Variants in TRHDE observed in about 807,000 individuals in gnomAD.
TRHDE encodes thyrotropin releasing hormone degrading enzyme.
Under a neutral mutation model 125.7 loss-of-function variants are expected in TRHDE, and 72 were observed. That is an observed-to-expected ratio of 0.57 (90% CI 0.47 to 0.70). The LOEUF is 0.70. Among genes scored for constraint, TRHDE ranks in the 30% least tolerant of loss-of-function variants. TRHDE has a pLI of 0.00. For synonymous variants in TRHDE, 509 were observed against 509.1 expected (o/e 1.00, Z 0.00); for missense variants, 1,110 against 1,327.1 (o/e 0.84, Z 2.54).
chr12:72,298,867 A>G (rs1232833249), intron 2 of TRHDE, among the ~76,000 whole-genome samples: 1 of 152,110 alleles, frequency 6.6e-6, no homozygotes, highest in Admixed American at 6.5e-5. Context: ...TAAGGCTGCC[A>G]TTTGGGTCTA....
intron 2 of TRHDE, among the ~76,000 whole-genome samples, chr12:72,201,578 A>G (rs1374892559): frequency 6.6e-6 from 1 of 152,090 alleles, no homozygotes; most frequent in East Asian, 1.9e-4. Context: ...TAGTTAACCT[A>G]ATGGAGTGAA....
chr12:72,461,014 GA>G (rs796883299), intron 3 of TRHDE, among the ~76,000 whole-genome samples: 4 of 151,334 alleles, frequency 2.6e-5, no homozygotes, highest in African/African-American at 4.8e-5. Context: ...TTGCTGAAAT[GA>G]AAAAAAAATC....
chr12:72,638,296 A>T (rs1873859859), intron 15 of TRHDE, among the ~76,000 whole-genome samples: 1 of 151,298 alleles, frequency 6.6e-6, no homozygotes. Context: ...GTTGGTTGAA[A>T]GTCTGTTTTA....
At chr12:72,323,531 G>T (rs12322759) in intron 2 of TRHDE, among the ~76,000 whole-genome samples, 39,990 of 151,960 alleles carry the variant, frequency 0.26, 5,322 homozygotes, top group East Asian at 0.35. Flanking sequence ...CTTTTTCATG[G>T]TCATGTTTGT....
At chr12:72,440,816 G>C (rs1025286827) in intron 3 of TRHDE, among the ~76,000 whole-genome samples, 1 of 151,890 alleles carries the variant, frequency 6.6e-6, no homozygotes, top group African/African-American at 2.4e-5. Flanking sequence ...GTCACAGGTA[G>C]ATGTTTGGTA....
At chr12:72,634,852 T>G (rs1207854396) in intron 15 of TRHDE, among the ~76,000 whole-genome samples, 1 of 151,916 alleles carries the variant, frequency 6.6e-6, no homozygotes, top group Admixed American at 6.6e-5. Flanking sequence ...TATGGCTGCA[T>G]AGTATTCCAT....
chr12:72,356,949 A>G (rs556275398), intron 2 of TRHDE, among the ~76,000 whole-genome samples: 26 of 151,556 alleles, frequency 1.7e-4, no homozygotes, highest in Non-Finnish European at 2.5e-4. Context: ...GGAAATGCAT[A>G]TAGTATGGAT....
intron 2 of TRHDE, among the ~76,000 whole-genome samples, chr12:72,298,993 G>C (rs1172985751): frequency 6.6e-6 from 1 of 152,052 alleles, no homozygotes; most frequent in East Asian, 1.9e-4. Flanking sequence ...CAAATGTGTT[G>C]CAGTACAGAG....
chr12:72,489,820 T>TCA (rs1877579373), intron 5 of TRHDE, among the ~76,000 whole-genome samples: 1 of 151,840 alleles, frequency 6.6e-6, no homozygotes, highest in African/African-American at 2.4e-5. Context: ...GACTCTTGTC[T>TCA]TACACCATCC....
intron 1 of TRHDE, among the ~76,000 whole-genome samples, chr12:72,101,880 T>A (rs1875076616): frequency 6.6e-6 from 1 of 152,182 alleles, no homozygotes; most frequent in Non-Finnish European, 1.5e-5. Flanking sequence ...CATGTATAAT[T>A]TTTCACTTTG....
chr12:72,618,970 GC>G lies in TRHDE; in HGVS notation c.2402del (p.Ala801ValfsTer9). On this transcript the variant is annotated frameshift_variant, in exon 13 of 19. Transcript: ENST00000261180. LOFTEE classifies it high-confidence loss of function. The part of the protein sequence containing the change: ...SEEKDFLPWH[A>X]ASRALYPLDK... The stretch of plus-strand genomic sequence containing the variant: ...GGAGAAGGATTTTCTTCCTTGGCAT[GC>G]TGCCAGCCGAGCTCTTTATCCTCTA... 1 of 1,602,740 alleles carries G rather than the reference GC, an allele frequency of 6.2e-7. No homozygotes were observed. The highest frequency in any genetic ancestry group is 1.3e-5 in the African/African-American group (1 of 74,392).
At chr12:72,486,973 ACAAAT>A (rs1333289238) in intron 5 of TRHDE, among the ~76,000 whole-genome samples, 4 of 152,140 alleles carry the variant, frequency 2.6e-5, no homozygotes, top group African/African-American at 7.2e-5. Flanking sequence ...TTAAAAAGAA[ACAAAT>A]CAAATTTATG....
At chr12:72,102,112 G>T (rs978382894) in intron 1 of TRHDE, among the ~76,000 whole-genome samples, 1 of 152,162 alleles carries the variant, frequency 6.6e-6, no homozygotes, top group Non-Finnish European at 1.5e-5. Flanking sequence ...AATTGGGAGT[G>T]TAGAGACTTG....
intron 2 of TRHDE, among the ~76,000 whole-genome samples, chr12:72,312,454 T>C (rs1320539822): frequency 6.6e-6 from 1 of 152,156 alleles, no homozygotes; most frequent in Admixed American, 6.6e-5. Context: ...CCAGACCTTC[T>C]CCAGCTTGCT....
intron 5 of TRHDE, among the ~76,000 whole-genome samples, chr12:72,498,369 C>G (rs1027211230): frequency 1.3e-5 from 2 of 152,084 alleles, no homozygotes; most frequent in African/African-American, 4.8e-5. Context: ...TTGGTGCACT[C>G]TTAGCTTGAA....
intron 2 of TRHDE, among the ~76,000 whole-genome samples, chr12:72,170,288 G>C (rs955030649): frequency 2.6e-5 from 4 of 152,096 alleles, no homozygotes; most frequent in Non-Finnish European, 4.4e-5. Flanking sequence ...ATAGATACAT[G>C]GTTCTGGAAA....
At chr12:72,378,223 T>A (rs530803871) in intron 3 of TRHDE, 102 bp downstream of exon 3, 256 of 1,166,050 alleles carry the variant, frequency 2.2e-4, no homozygotes, top group Middle Eastern at 1.2e-3. Context: ...AATTCTGAGA[T>A]TTATATTTTT....
At chr12:72,282,700 AC>A (rs1879740343) in intron 1 of TRHDE, among the ~76,000 whole-genome samples, 1 of 152,226 alleles carries the variant, frequency 6.6e-6, no homozygotes, top group Non-Finnish European at 1.5e-5. Context: ...TTTCTGTGCT[AC>A]CTGTAGTCAA....
At chr12:72,320,045 A>T (rs1869007137) in intron 2 of TRHDE, among the ~76,000 whole-genome samples, 1 of 152,096 alleles carries the variant, frequency 6.6e-6, no homozygotes, top group South Asian at 2.1e-4. Flanking sequence ...TCTCCAGGTG[A>T]GGCTTGAACC....
Sources: gnomAD v4.1 joint callset for allele counts (sites outside exome capture counted in the v4.1 genomes callset) on GRCh38, gnomAD v4.1.1 for gene constraint, MANE v1.5 for transcripts, NCBI Gene and HGNC (gene_info 2026-07-23, HGNC 2026-07-21) for gene names.